PSRC1: variants seen among roughly 807,000 people sequenced by gnomAD.
The protein encoded by PSRC1 is proline/serine-rich coiled-coil protein 1.
PSRC1 carries 30 observed loss-of-function variants against 31.9 expected under a neutral mutation model. The ratio of observed to expected loss-of-function variants is 0.94; its 90% CI spans 0.70 to 1.28. The LOEUF (loss-of-function observed/expected upper bound fraction) is 1.28. Ranked by LOEUF, PSRC1 falls within the 50% of genes most tolerant of loss-of-function variation. The pLI, the probability that PSRC1 is intolerant of heterozygous loss-of-function variation, is 0.00. For missense variants in PSRC1, 481 were observed against 472.8 expected (o/e 1.02, Z -0.16); for synonymous variants, 191 against 192.1 (o/e 0.99, Z 0.05).
exon 4 of PSRC1, chr1:109,281,763 T>C: frequency 1.2e-6 from 2 of 1,614,126 alleles, no homozygotes; most frequent in Non-Finnish European, 1.7e-6. Flanking sequence ...GCAGCAGGTC[T>C]CGGACAGGAC....
intron 2 of PSRC1, 40 bp from the exon 3 acceptor site, chr1:109,282,615 T>C: frequency 1.2e-6 from 2 of 1,610,154 alleles, no homozygotes; most frequent in Non-Finnish European, 1.7e-6. Context: ...CATGGGTCCC[T>C]GATGCAGCTC....
At chr1:109,281,559 C>T in intron 4 of PSRC1, 60 bp downstream of exon 4, 1 of 1,400,168 alleles carries the variant, frequency 7.1e-7, no homozygotes. Context: ...GAAACCACTC[C>T]CTGCATCATG....
exon 4 of PSRC1, chr1:109,281,785 A>G (rs1382759906): frequency 6.2e-7 from 1 of 1,613,956 alleles, no homozygotes; most frequent in African/African-American, 1.3e-5. Flanking sequence ...ATCCTTCAGC[A>G]CAAAGGTCTC....
chr1:109,280,357 G>T, intron 6 of PSRC1, 39 bp downstream of exon 7: 1 of 1,530,330 alleles, frequency 6.5e-7, no homozygotes, highest in Non-Finnish European at 9.0e-7. Context: ...ATGATGGCGG[G>T]GTAGGGAGAC....
chr1:109,280,820 T>C, exon 5 of PSRC1: 1 of 1,606,094 alleles, frequency 6.2e-7, no homozygotes, highest in Non-Finnish European at 8.5e-7. Context: ...CAGTGCTTGG[T>C]CTTGGAAGCC....
chr1:109,280,190 G>A (rs1215780891), intron 6 of PSRC1, 34 bp from the exon 8 acceptor site: 1 of 1,612,320 alleles, frequency 6.2e-7, no homozygotes, highest in Non-Finnish European at 8.5e-7. Context: ...GCTTTAAAAT[G>A]CCCTTCTTCC....
exon 7 of PSRC1, chr1:109,279,605 CAT>C (rs1656717416): frequency 6.5e-6 from 1 of 154,668 alleles, no homozygotes; most frequent in South Asian, 2.0e-4. Flanking sequence ...AATGAAGACT[CAT>C]AGAGTAAGCT....
intron 1 of PSRC1, 24 bp from the exon 2 acceptor site, chr1:109,282,760 T>C (rs1657395229): frequency 6.5e-7 from 1 of 1,548,262 alleles, no homozygotes. Context: ...ATACCTTTCC[T>C]CAGGTATCCA....
At chr1:109,282,607 T>C in intron 2 of PSRC1, 32 bp from the exon 3 acceptor site, 2 of 1,612,460 alleles carry the variant, frequency 1.2e-6, no homozygotes, top group Non-Finnish European at 1.7e-6. Flanking sequence ...AAGCCAGTCA[T>C]GGGTCCCTGA....
Position 109,283,105 on chromosome 1 carries a change from C to CCCCTGAAAT in PSRC1, c.-66_-65insATTTCAGGG, listed in dbSNP as rs2101422016. The CCCCTGAAAT allele has an allele frequency of 2.2e-5, 6 of 273,122 alleles. No individual in the cohort carries two copies. The South Asian group carries it at 3.4e-4, about 15-fold the overall frequency. The allele number at this position is 273,122 out of a possible 1,614,324, so 16.9% of individuals were successfully genotyped here. Reference sequence around the variant, plus strand: ...TCCACTTCCCGCGCCGCCTTATCTTCCACGCAACAGGCTTTCTCCCGCAAC... The same window carrying CCCCTGAAAT: ...TCCACTTCCCGCGCCGCCTTATCTTCCCCTGAAATCACGCAACAGGCTTTCTCCCGCAAC... On this transcript the variant is annotated 5_prime_UTR_variant, in exon 1 of 7. Transcript: ENST00000409138.
rs984751352 is a variant in PSRC1, at chr1:109,282,435, C to T, written c.77+83G>A. The T allele has an allele frequency of 3.6e-6, 5 of 1,390,160 alleles. No individual in the cohort carries two copies. The African/African-American group carries it at 7.1e-5, about 20-fold the overall frequency. 86.1% of individuals were successfully genotyped at this position (1,390,160 alleles called of 1,614,324 possible). A position where few individuals can be genotyped will look rare whatever the true frequency, so the allele number is the denominator to read the frequency against. On this transcript the variant is annotated intron_variant, in intron 3 of 6. Transcript: ENST00000409138. ...GCGCCAAACCTTGCTAAGTTACCAA[C>T]CCAAGCCAATAATTCAGCAGTAAGG...
Position 109,282,292 on chromosome 1 carries a change from A to G in PSRC1, c.77+226T>C, listed in dbSNP as rs57229174. 845 of 611,700 alleles carry G rather than the reference A, an allele frequency of 1.4e-3. 9 individuals are homozygous for G. Among genetic ancestry groups the G allele is most frequent in the African/African-American group, 0.013 (712 of 54,070 alleles). The allele number at this position is 611,700 out of a possible 1,614,324, so 37.9% of individuals were successfully genotyped here. ...AATGATGCCAGGATGGAGATGCAGC[A>G]AATCCACTTATCCTTCTTCTTAACA... On this transcript the variant is annotated intron_variant, in intron 3 of 6. Coordinates refer to ENST00000409138, the Ensembl canonical transcript of PSRC1.
At chr1:109,281,755 A>G (rs768373089) in exon 4 of PSRC1, 1 of 1,614,144 alleles carries the variant, frequency 6.2e-7, no homozygotes, top group Non-Finnish European at 8.5e-7. Flanking sequence ...CACAGTGGGC[A>G]GCAGGTCTCG....
exon 4 of PSRC1, chr1:109,281,788 A>G: frequency 6.2e-7 from 1 of 1,614,004 alleles, no homozygotes; most frequent in Non-Finnish European, 8.5e-7. Context: ...CTTCAGCACA[A>G]AGGTCTCCCG....
chr1:109,281,489 G>A, intron 4 of PSRC1, 130 bp downstream of exon 4: 1 of 923,642 alleles, frequency 1.1e-6, no homozygotes, highest in South Asian at 1.7e-5. Context: ...TTTTTTCATG[G>A]TTCTCATTTA....
chr1:109,279,988 C>G, exon 7 of PSRC1: 1 of 833,388 alleles, frequency 1.2e-6, no homozygotes, highest in East Asian at 2.4e-5. Flanking sequence ...CCTAATCCAC[C>G]CCATTTCCCA....
rs57931635 is a variant in PSRC1 at position 109,280,128 on chromosome 1, A to G, written c.*25T>C. On this transcript the variant is annotated 3_prime_UTR_variant, in exon 7 of 7. Coordinates refer to ENST00000409138, the Ensembl canonical transcript of PSRC1. ...ACTGACTGTAGTGGTTTGCTACTGA[A>G]GTCTTGCTTGCTGTCCTGATCTCTT... 1,105 of 1,614,116 alleles carry G rather than the reference A, an allele frequency of 6.8e-4. 8 individuals carry two copies. The African/African-American group carries it at 0.013, about 19-fold the overall frequency.
At position 109,280,474 on chromosome 1, in the gene PSRC1, C is replaced by T. The variant is rs146697802; in HGVS notation, c.1010G>A (p.Arg337Gln). Residue 337 changes from arginine to glutamine, a missense_variant, in exon 6 of 7, where the codon CGA (arginine) becomes CAA (glutamine). Physicochemically the swap from Arg to Gln is conservative, Grantham distance 43 (BLOSUM62 1). Coordinates refer to ENST00000409138, the Ensembl canonical transcript of PSRC1. ...GGCACCCATGACAGGAAGATTTAGT[C>T]GCTGGGAAACAGGAACTTCATGGGG... The T allele has an allele frequency of 4.3e-4, 695 of 1,612,742 alleles. 1 individual carries two copies. Among genetic ancestry groups the T allele is most frequent in the Non-Finnish European group, 5.5e-4 (647 of 1,179,376 alleles).
chr1:109,280,836 C>A (rs34863121), exon 5 of PSRC1: 10 of 1,610,558 alleles, frequency 6.2e-6, no homozygotes, highest in Non-Finnish European at 7.6e-6. Flanking sequence ...AAGCCCTTTT[C>A]GAGTTGACAG....
Sources: allele counts gnomAD v4.1 joint callset, GRCh38; gene constraint gnomAD v4.1.1; transcripts MANE v1.5; gene names NCBI Gene and HGNC (gene_info 2026-07-23, HGNC 2026-07-21).